Variants in CRISP3 observed in about 807,000 individuals in gnomAD.
CRISP3 encodes the protein cysteine-rich secretory protein 3.
CRISP3 carries 33 observed loss-of-function variants against 36.1 expected under a neutral mutation model. The observed-to-expected ratio is 0.91, with a 90% CI of 0.69 to 1.22. The LOEUF (loss-of-function observed/expected upper bound fraction) is 1.22, where lower values mean the gene tolerates loss of function less well. Among genes scored for constraint, CRISP3 ranks in the 50% most tolerant of loss-of-function variants. The pLI, the probability that CRISP3 is intolerant of heterozygous loss-of-function variation, is 0.00. For synonymous variants in CRISP3, 117 were observed against 104.6 expected (o/e 1.12, Z -0.72); for missense variants, 330 against 301.2 (o/e 1.10, Z -0.71).
intron 1 of CRISP3, among the ~76,000 whole-genome samples, chr6:49,741,623 T>G (rs1001513815): frequency 2.0e-5 from 3 of 147,594 alleles, no homozygotes; most frequent in South Asian, 2.1e-4. Context: ...TTTTTTTTTT[T>G]TTTTTTTTTT....
intron 1 of CRISP3, among the ~76,000 whole-genome samples, chr6:49,741,470 T>C (rs1769199124): frequency 6.6e-6 from 1 of 152,088 alleles, no homozygotes; most frequent in Non-Finnish European, 1.5e-5. Context: ...ATATTAAAAA[T>C]ATCATGACCA....
chr6:49,731,038 T>G lies in CRISP3; in HGVS notation c.649+125A>C, dbSNP rs917019407. On this transcript the variant is annotated intron_variant, in intron 7 of 7. Coordinates refer to ENST00000263045, the MANE Select transcript of CRISP3 (RefSeq NM_006061.4). Reference sequence around the variant, plus strand: ...GCCTGGGCGACAGAGCCAGACAGACTTTTTTTTCCTTTTTGTCCTTTGCAT... The same window carrying G: ...GCCTGGGCGACAGAGCCAGACAGACGTTTTTTTCCTTTTTGTCCTTTGCAT... 1.1e-5 allele frequency: 6 copies of G among 562,590 alleles called. No homozygotes were observed. The African/African-American group carries it at 1.2e-4, about 12-fold the overall frequency. 34.8% of individuals were successfully genotyped at this position (562,590 alleles called of 1,614,324 possible). A position where few individuals can be genotyped will look rare whatever the true frequency, so the allele number is the denominator to read the frequency against.
rs1769085034 is a variant in CRISP3, at chr6:49,737,415, G to A, written c.38-17C>T. Reference sequence around the variant, plus strand: ...ATGTCATTGCTGGGAAAACAAAACCGGTGGAACAGGGATCTGCATTAAAAT... The same window carrying A: ...ATGTCATTGCTGGGAAAACAAAACCAGTGGAACAGGGATCTGCATTAAAAT... On this transcript the variant is annotated splice_polypyrimidine_tract_variant and intron_variant, in intron 1 of 7. Transcript: ENST00000263045. The A allele has an allele frequency of 4.3e-6, 7 of 1,613,584 alleles. No homozygotes were observed. Among genetic ancestry groups the A allele is most frequent in the African/African-American group, 1.3e-5 (1 of 74,848 alleles).
chr6:49,730,974 G>A (rs1418658179), intron 7 of CRISP3, among the ~76,000 whole-genome samples, 189 bp downstream of exon 7: 2 of 152,182 alleles, frequency 1.3e-5, no homozygotes, highest in African/African-American at 2.4e-5. Context: ...CCCTGCAAGC[G>A]GAGGTTGCAG....
intron 1 of CRISP3, among the ~76,000 whole-genome samples, chr6:49,739,229 A>G (rs1769138943): frequency 1.3e-5 from 2 of 152,206 alleles, no homozygotes; most frequent in Admixed American, 6.5e-5. Flanking sequence ...CAAAAGAGGA[A>G]AAACAGATTC....
rs778592745 is a variant in CRISP3, at chr6:49,736,438, C to T, written c.181G>A (p.Glu61Lys). The T allele has an allele frequency of 6.8e-6, 11 of 1,613,766 alleles. No homozygotes were observed. Among genetic ancestry groups the T allele is most frequent in the African/African-American group, 1.3e-5 (1 of 75,022 alleles). ...GGGGGAGATACTGCTCTCCTCAGTT[C>T]ATTGTGCTTATTCACAATCTCCCTT... ...VQREIVNKHNELRRAVSPPAR... is the reference protein window; with the variant it reads ...VQREIVNKHNKLRRAVSPPAR... Residue 61 changes from glutamate (E) to lysine (K), a missense_variant, in exon 3 of 8, where the codon GAA becomes AAA. Glu to Lys is a moderately conservative substitution (Grantham distance 56, BLOSUM62 1). Coordinates refer to ENST00000263045, the MANE Select transcript of CRISP3 (RefSeq NM_006061.4).
At chr6:49,731,121 G>T in intron 7 of CRISP3, 42 bp downstream of exon 7, 1 of 1,331,838 alleles carries the variant, frequency 7.5e-7, no homozygotes, top group Non-Finnish European at 1.1e-6. Context: ...AGAAATGTCA[G>T]ATCATTTTAT....
intron 2 of CRISP3, among the ~76,000 whole-genome samples, chr6:49,736,919 T>C (rs926126276): frequency 2.0e-5 from 3 of 152,156 alleles, no homozygotes; most frequent in African/African-American, 4.8e-5. Context: ...CTAGGGGGAA[T>C]TTCTGCCTGA....
At chr6:49,730,052 G>C (rs1768875303) in intron 7 of CRISP3, among the ~76,000 whole-genome samples, 1 of 151,892 alleles carries the variant, frequency 6.6e-6, no homozygotes, top group Admixed American at 6.6e-5. Context: ...TCAGTATTCT[G>C]AATTATAGCT....
At chr6:49,732,481 T>C (rs1184661864) in intron 6 of CRISP3, among the ~76,000 whole-genome samples, 2 of 152,094 alleles carry the variant, frequency 1.3e-5, no homozygotes, top group African/African-American at 4.8e-5. Context: ...ATATCTTCAA[T>C]ATATCCACAG....
chr6:49,743,618 T>A (rs1769261327), intron 1 of CRISP3, among the ~76,000 whole-genome samples: 1 of 152,182 alleles, frequency 6.6e-6, no homozygotes, highest in Admixed American at 6.5e-5. Flanking sequence ...TGTGGTCTCC[T>A]ACTATCTGAC....
chr6:49,729,654 T>C (rs747900872), intron 7 of CRISP3, among the ~76,000 whole-genome samples: 1 of 152,204 alleles, frequency 6.6e-6, no homozygotes, highest in African/African-American at 2.4e-5. Context: ...AGGAATCAAC[T>C]GGAACTTGTT....
intron 1 of CRISP3, among the ~76,000 whole-genome samples, chr6:49,739,967 T>C (rs1769156826): frequency 6.6e-6 from 1 of 152,222 alleles, no homozygotes; most frequent in Non-Finnish European, 1.5e-5. Context: ...GTTTTCCTTT[T>C]TCAAAGAAAT....
chr6:49,743,521 A>T (rs1769259095), intron 1 of CRISP3, among the ~76,000 whole-genome samples: 1 of 152,188 alleles, frequency 6.6e-6, no homozygotes, highest in Admixed American at 6.5e-5. Flanking sequence ...CCTGGATAGC[A>T]TTTAGCCACA....
At chr6:49,738,977 C>T (rs958123593) in intron 1 of CRISP3, among the ~76,000 whole-genome samples, 9 of 150,236 alleles carry the variant, frequency 6.0e-5, no homozygotes, top group African/African-American at 2.0e-4. Flanking sequence ...TTGTCCAATG[C>T]ATTAATAAAT....
At chr6:49,743,006 T>C (rs932934204) in intron 1 of CRISP3, among the ~76,000 whole-genome samples, 1 of 152,236 alleles carries the variant, frequency 6.6e-6, no homozygotes, top group Non-Finnish European at 1.5e-5. Context: ...TTACTTAAAA[T>C]TTAATAGTTA....
chr6:49,736,390 C>G lies in CRISP3; in HGVS notation c.228+1G>C. 1 of 1,599,236 alleles carries G rather than the reference C, an allele frequency of 6.3e-7. No homozygotes were observed. The highest frequency in any genetic ancestry group is 8.6e-7 in the Non-Finnish European group (1 of 1,167,226). ...CTCTCCTTTGCAATATCACCTCTTA[C>G]CATCTTCAGCATGTTTCTGGCAGGG... On this transcript the variant is annotated splice_donor_variant, in intron 3 of 7. Coordinates refer to ENST00000263045, the MANE Select transcript of CRISP3 (RefSeq NM_006061.4). LOFTEE classifies it high-confidence loss of function.
In CRISP3 at chr6:49,728,638, C is replaced by T. The variant is rs1768831701; in HGVS notation, c.*92G>A. 2.8e-6 allele frequency: 3 copies of T among 1,065,504 alleles called. No homozygotes were observed. Among genetic ancestry groups the T allele is most frequent in the Non-Finnish European group, 3.8e-6 (3 of 793,138 alleles). The allele number at this position is 1,065,504 out of a possible 1,614,324, so 66.0% of individuals were successfully genotyped here. On this transcript the variant is annotated 3_prime_UTR_variant, in exon 8 of 8. Transcript: ENST00000263045. ...TGTATCAAACATGCCTACAATTTCT[C>T]AGCTAGTATATGTTAAATCTAAGTA...
chr6:49,727,956 G>C lies in CRISP3; in HGVS notation c.*774C>G, dbSNP rs1448940773. 1 of 152,068 alleles carries C rather than the reference G, an allele frequency of 6.6e-6. No homozygotes were observed. Among genetic ancestry groups the C allele is most frequent in the East Asian group, 1.9e-4 (1 of 5,190 alleles). 9.4% of individuals were successfully genotyped at this position (152,068 alleles called of 1,614,324 possible). On this transcript the variant is annotated 3_prime_UTR_variant, in exon 8 of 8. Coordinates refer to ENST00000263045, the MANE Select transcript of CRISP3 (RefSeq NM_006061.4). ...TTTCCCTTTCCATACTCCACTCTTT[G>C]GAAGTGAGTCACTGATTTTAGTGAA...
Sources: gnomAD v4.1 joint callset for allele counts (sites outside exome capture counted in the v4.1 genomes callset) on GRCh38, gnomAD v4.1.1 for gene constraint, MANE v1.5 for transcripts, NCBI Gene and HGNC (gene_info 2026-07-23, HGNC 2026-07-21) for gene names.